Variants in SEPTIN12 observed in about 807,000 individuals in gnomAD.
SEPTIN12 encodes septin-12.
SEPTIN12 carries 42 observed loss-of-function variants against 37.7 expected under a neutral mutation model. The observed-to-expected ratio is 1.11, with a 90% confidence interval of 0.87 to 1.44. The LOEUF (loss-of-function observed/expected upper bound fraction) is 1.44. SEPTIN12 is among the 40% of genes most tolerant of loss of function. The probability of loss-of-function intolerance (pLI) is 0.00; values close to 1 mark genes in which losing one functional copy is unlikely to be tolerated. For missense variants in SEPTIN12, 613 were observed against 479.2 expected (o/e 1.28, Z -2.61); for synonymous variants, 254 against 196.7 (o/e 1.29, Z -2.44).
intron 7 of SEPTIN12, 79 bp from the exon 8 acceptor site, chr16:4,779,865 G>C: frequency 2.3e-6 from 2 of 887,494 alleles, no homozygotes; most frequent in East Asian, 4.9e-5. Context: ...CACCCAGGCA[G>C]GAGAGGGGAG....
At chr16:4,786,130 C>T (rs1445135973) in intron 2 of SEPTIN12, 25 bp from the exon 3 acceptor site, 3 of 1,562,384 alleles carry the variant, frequency 1.9e-6, no homozygotes, top group East Asian at 4.5e-5. Context: ...CGGATGACAG[C>T]AGTTAGGGTG....
chr16:4,790,713 G>A (rs1417245292), upstream of SEPTIN12, among the ~76,000 whole-genome samples: 3 of 152,148 alleles, frequency 2.0e-5, no homozygotes, highest in Non-Finnish European at 2.9e-5. Flanking sequence ...AGCTTGAACC[G>A]AGGAGGTGGA....
intron 7 of SEPTIN12, chr16:4,783,234 C>T: frequency 1.8e-6 from 1 of 565,624 alleles, no homozygotes; most frequent in East Asian, 3.0e-5. Context: ...ATTCAGGATA[C>T]AAGCCCCTTA....
rs980936754 is a variant in SEPTIN12 at position 4,783,566 on chromosome 16, C to A, written c.631-9G>T. On this transcript the variant is annotated splice_polypyrimidine_tract_variant and intron_variant, in intron 6 of 9. Coordinates refer to ENST00000268231, the MANE Select transcript of SEPTIN12 (RefSeq NM_144605.5). ...CTCAGGTTCTGCTGGATCTGGAGATCCCACACAGGTGACCTCAGCCCACCC... is the reference window on the plus strand; with the variant it reads ...CTCAGGTTCTGCTGGATCTGGAGATACCACACAGGTGACCTCAGCCCACCC... The A allele has an allele frequency of 6.2e-7, 1 of 1,613,664 alleles. No homozygotes were observed. The highest frequency in any genetic ancestry group is 8.5e-7 in the Non-Finnish European group (1 of 1,179,614).
chr16:4,780,010 G>A (rs546863743), intron 7 of SEPTIN12, among the ~76,000 whole-genome samples: 7 of 152,038 alleles, frequency 4.6e-5, no homozygotes, highest in Non-Finnish European at 1.0e-4. Context: ...GGAGGCCGAG[G>A]TGGGAGGATC....
chr16:4,787,287 G>A (rs1025136367), intron 2 of SEPTIN12, among the ~76,000 whole-genome samples, 193 bp downstream of exon 2: 4 of 152,100 alleles, frequency 2.6e-5, no homozygotes, highest in Non-Finnish European at 5.9e-5. Context: ...GTGAGCCACC[G>A]CTCCAGGCAC....
At position 4,784,079 on chromosome 16, in the gene SEPTIN12, A is replaced by C. The variant is rs1441834510; in HGVS notation, c.375-11T>G. 1.2e-6 allele frequency: 2 copies of C among 1,613,614 alleles called. No individual in the cohort carries two copies. Among genetic ancestry groups the C allele is most frequent in the Non-Finnish European group, 1.7e-6 (2 of 1,179,898 alleles). On this transcript the variant is annotated splice_polypyrimidine_tract_variant and intron_variant, in intron 4 of 9. Transcript: ENST00000268231. ...AGGATGGGGTCCCAGCTGAGGCGGG[A>C]GGTGGACCCTCCCCTCAGAACTGTG... is the stretch of plus-strand genomic sequence containing the variant.
At chr16:4,784,536 G>C (rs1430549775) in intron 4 of SEPTIN12, among the ~76,000 whole-genome samples, 4 of 148,392 alleles carry the variant, frequency 2.7e-5, no homozygotes, top group Non-Finnish European at 6.0e-5. Context: ...TTGGGAGGCG[G>C]AGGCAGGAGG....
At chr16:4,791,468 G>T (rs375853057), upstream of SEPTIN12, among the ~76,000 whole-genome samples, 1 of 152,094 alleles carries the variant, frequency 6.6e-6, no homozygotes, top group South Asian at 2.1e-4. Flanking sequence ...TCATCCTCAC[G>T]ACACTGGGAG....
chr16:4,785,459 G>A (rs552911073), intron 4 of SEPTIN12, among the ~76,000 whole-genome samples: 1 of 151,914 alleles, frequency 6.6e-6, no homozygotes, highest in African/African-American at 2.4e-5. Flanking sequence ...GACAGCCATG[G>A]CTTGGCCCCC....
At position 4,786,053 on chromosome 16, in the gene SEPTIN12, T is replaced by G. The variant is rs771982033; in HGVS notation, c.219A>C (p.Lys73Asn). ...AGCCCGGTGGGTTTGACTTCCACAC[T>G]TTGGACTTGAACAGCGTGTTCACCA... ...STMVNTLFKS[K>N]VWKSNPPGLG... The change falls in exon 3 of 10, where the codon AAA (lysine) becomes AAC (asparagine). Residue 73 changes from lysine to asparagine, a missense_variant. Coordinates refer to ENST00000268231, the MANE Select transcript of SEPTIN12 (RefSeq NM_144605.5). 5 of 1,613,868 alleles carry G rather than the reference T, an allele frequency of 3.1e-6. No individual in the cohort carries two copies. In the South Asian group the frequency reaches 4.4e-5, roughly 14 times the overall value.
In SEPTIN12 at chr16:4,779,510, G is replaced by A. The variant is rs368484936; in HGVS notation, c.823+180C>T. On this transcript the variant is annotated intron_variant, in intron 8 of 9. Transcript: ENST00000268231. Reference sequence around the variant, plus strand: ...CCCACTTTACTGTGAGGAAACTGAGGCCCAGAGGGTCCGGAAACTTGCCAC... The same window carrying A: ...CCCACTTTACTGTGAGGAAACTGAGACCCAGAGGGTCCGGAAACTTGCCAC... Among the ~76,000 whole-genome samples, 156 of 152,308 alleles carry A rather than the reference G, an allele frequency of 1.0e-3. 1 individual carries two copies. In the South Asian group the frequency reaches 0.014, roughly 14 times the overall value.
At chr16:4,783,862 G>T in intron 5 of SEPTIN12, 69 bp downstream of exon 5, 2 of 1,607,302 alleles carry the variant, frequency 1.2e-6, no homozygotes, top group Non-Finnish European at 1.7e-6. Flanking sequence ...GCAGCCCATG[G>T]TGGGGACCCC....
rs538226362 is a variant in SEPTIN12, at chr16:4,783,738, G to A, written c.541C>T (p.Gln181Ter). 96 of 1,613,976 alleles carry A rather than the reference G, an allele frequency of 5.9e-5. 1 individual carries two copies. In the South Asian group the frequency reaches 9.9e-4, roughly 17 times the overall value. The change falls in exon 6 of 10, where the codon CAG (glutamine) becomes TAG (stop). Residue 181 changes from glutamine (Q) to a stop codon, truncating the protein, a stop_gained. Transcript: ENST00000268231. LOFTEE classifies it high-confidence loss of function. ...ACATTCACAGTCCGGCACAGCCGCT[G>A]CAGGAACTCAATGTCCAGGGGCCGC... The part of the protein sequence containing the change: ...CLRPLDIEFL[Q>*]RLCRTVNVVP...
chr16:4,781,609 C>T (rs1181523610), intron 7 of SEPTIN12, among the ~76,000 whole-genome samples: 9 of 151,590 alleles, frequency 5.9e-5, no homozygotes, highest in Non-Finnish European at 8.8e-5. Flanking sequence ...GGTTCCCCCA[C>T]GCTGTAGCAG....
At chr16:4,786,780 G>C (rs1025185860) in intron 2 of SEPTIN12, among the ~76,000 whole-genome samples, 1 of 152,104 alleles carries the variant, frequency 6.6e-6, no homozygotes, top group African/African-American at 2.4e-5. Context: ...CCAAGTAGCT[G>C]GGATTCAGGT....
chr16:4,785,169 GA>G (rs1344358652), intron 4 of SEPTIN12, among the ~76,000 whole-genome samples: 3 of 152,006 alleles, frequency 2.0e-5, no homozygotes, highest in Non-Finnish European at 2.9e-5. Context: ...AGAATTGCTT[GA>G]ACCCCGGGAG....
At chr16:4,781,336 G>C (rs566615121) in intron 7 of SEPTIN12, among the ~76,000 whole-genome samples, 2 of 151,694 alleles carry the variant, frequency 1.3e-5, no homozygotes, top group Non-Finnish European at 2.9e-5. Context: ...CGGTACGGGG[G>C]TTTTTAGTAT....
chr16:4,781,943 C>CTTTTTTTTTTTTTTT (rs571415645), intron 7 of SEPTIN12, among the ~76,000 whole-genome samples: 2 of 47,446 alleles, frequency 4.2e-5, no homozygotes, highest in African/African-American at 1.1e-4. Flanking sequence ...CGTGCCCGGC[C>CTTTTTTTTTTTTTTT]TTTTTTTTTT....
Sources: gnomAD v4.1 joint callset for allele counts (sites outside exome capture counted in the v4.1 genomes callset) on GRCh38, gnomAD v4.1.1 for gene constraint, MANE v1.5 for transcripts, NCBI Gene and HGNC (gene_info 2026-07-23, HGNC 2026-07-21) for gene names.